TTBK2: variants seen among roughly 807,000 people sequenced by gnomAD.
The protein encoded by TTBK2 is tau tubulin kinase 2, also known as tau-tubulin kinase 2.
A neutral mutation model predicts 110.8 loss-of-function variants in TTBK2; 28 were observed. The ratio of observed to expected loss-of-function variants is 0.25; its 90% confidence interval spans 0.19 to 0.35. TTBK2 has a LOEUF of 0.35. Among genes scored for constraint, TTBK2 ranks in the 10% least tolerant of loss-of-function variants. The pLI is 1.00. For synonymous variants in TTBK2, 532 were observed against 527.3 expected, an observed-to-expected ratio of 1.01 and a Z score of -0.12; for missense variants, 1,369 against 1,500.3, an observed-to-expected ratio of 0.91 and a Z score of 1.45.
intron 4 of TTBK2, among the ~76,000 whole-genome samples, chr15:42,830,462 A>G (rs1892709705): frequency 2.0e-5 from 3 of 151,952 alleles, no homozygotes; most frequent in South Asian, 4.2e-4. Context: ...TGCTGGGATT[A>G]CAGGCATGAA....
intron 6 of TTBK2, among the ~76,000 whole-genome samples, chr15:42,817,884 C>T (rs995220924): frequency 1.3e-5 from 2 of 152,182 alleles, no homozygotes; most frequent in Admixed American, 1.3e-4. Context: ...CTCTTCTACT[C>T]CATTTTAAGG....
At chr15:42,885,540 T>C (rs547692591) in intron 1 of TTBK2, among the ~76,000 whole-genome samples, 149 of 152,330 alleles carry the variant, frequency 9.8e-4, no homozygotes, top group African/African-American at 3.3e-3. Context: ...TGTTTAATCA[T>C]TGCAGGGACG....
rs946612468 is a variant in TTBK2, at chr15:42,854,138, A to G, written c.218-13705T>C. Among the ~76,000 whole-genome samples, 3 of 152,032 alleles carry G rather than the reference A, an allele frequency of 2.0e-5. No homozygotes were observed. The South Asian group carries it at 6.2e-4, about 32-fold the overall frequency. On this transcript the variant is annotated intron_variant, in intron 3 of 14. Transcript: ENST00000267890. Reference sequence around the variant, plus strand: ...TTTTGTAGAGACAGGGTCTCTCGCTATGCTGCCCAGGCCGATCTCATACTC... The same window carrying G: ...TTTTGTAGAGACAGGGTCTCTCGCTGTGCTGCCCAGGCCGATCTCATACTC...
chr15:42,908,477 A>G (rs1489422775), intron 1 of TTBK2, among the ~76,000 whole-genome samples: 2 of 152,196 alleles, frequency 1.3e-5, no homozygotes, highest in African/African-American at 4.8e-5. Context: ...TCTCAAAACA[A>G]AAAGTATAGA....
chr15:42,757,874 T>C (rs986768811), intron 13 of TTBK2, among the ~76,000 whole-genome samples: 1 of 152,222 alleles, frequency 6.6e-6, no homozygotes, highest in Non-Finnish European at 1.5e-5. Flanking sequence ...AGGATCTCAA[T>C]ATTTTCCATT....
At chr15:42,841,856 G>C (rs1485117977) in intron 3 of TTBK2, among the ~76,000 whole-genome samples, 1 of 152,104 alleles carries the variant, frequency 6.6e-6, no homozygotes, top group Non-Finnish European at 1.5e-5. Context: ...GATTTTAAGG[G>C]ATACTAAAAT....
At chr15:42,821,972 G>A (rs560913569) in intron 6 of TTBK2, among the ~76,000 whole-genome samples, 1 of 151,914 alleles carries the variant, frequency 6.6e-6, no homozygotes, top group South Asian at 2.1e-4. Flanking sequence ...TTACAGGTGT[G>A]AGCCACCATG....
chr15:42,824,074 C>T (rs1030672136), intron 6 of TTBK2, among the ~76,000 whole-genome samples: 6 of 152,114 alleles, frequency 3.9e-5, no homozygotes, highest in Admixed American at 3.9e-4. Flanking sequence ...CTCTTTTTAA[C>T]AATCAGCTCT....
At chr15:42,816,544 A>C (rs1892035479) in intron 7 of TTBK2, among the ~76,000 whole-genome samples, 1 of 152,192 alleles carries the variant, frequency 6.6e-6, no homozygotes, top group South Asian at 2.1e-4. Flanking sequence ...AGTATTACCA[A>C]TTCCATTATC....
chr15:42,755,013 A>AC (rs2061928007), intron 13 of TTBK2, among the ~76,000 whole-genome samples: 2 of 145,464 alleles, frequency 1.4e-5, no homozygotes, highest in Admixed American at 1.4e-4. Flanking sequence ...CATCTCAGGA[A>AC]AAAAAAAAAA....
Position 42,770,240 on chromosome 15 carries a change from T to TATA in TTBK2, c.1998+4892_1998+4894dup, listed in dbSNP as rs200699099. 3.7e-3 allele frequency among the ~76,000 whole-genome samples: 562 copies of TATA among 151,686 alleles called. 17 individuals are homozygous for TATA. The East Asian group carries it at 0.085, about 23-fold the overall frequency. ...TGCACACGTATCCTAGAACTTAAAGTATAATAATAATAATAATAAAGACAA... is the reference window on the plus strand; with the variant it reads ...TGCACACGTATCCTAGAACTTAAAGTATAATAATAATAATAATAATAAAGACAA... On this transcript the variant is annotated intron_variant, in intron 13 of 14. Transcript: ENST00000267890.
intron 1 of TTBK2, among the ~76,000 whole-genome samples, chr15:42,920,042 T>C (rs1300305485): frequency 1.3e-5 from 2 of 152,014 alleles, no homozygotes; most frequent in East Asian, 1.9e-4. Flanking sequence ...TCCATGATAG[T>C]TGGGGAGGCG....
At chr15:42,870,081 G>A (rs1310450366) in intron 3 of TTBK2, among the ~76,000 whole-genome samples, 1 of 152,056 alleles carries the variant, frequency 6.6e-6, no homozygotes. Context: ...GGCTGAGGCA[G>A]GAGAATCACT....
intron 1 of TTBK2, among the ~76,000 whole-genome samples, chr15:42,900,779 G>T (rs1297512122): frequency 6.6e-6 from 1 of 152,100 alleles, no homozygotes; most frequent in Non-Finnish European, 1.5e-5. Flanking sequence ...CTGGTGGATG[G>T]GGGAATTCCT....
chr15:42,815,494 T>C (rs773682153), intron 7 of TTBK2, among the ~76,000 whole-genome samples: 56 of 152,014 alleles, frequency 3.7e-4, no homozygotes, highest in Non-Finnish European at 5.9e-4. Flanking sequence ...CCCAACTCCA[T>C]GCAAAAAAGT....
intron 3 of TTBK2, among the ~76,000 whole-genome samples, chr15:42,846,554 A>G (rs1233212521): frequency 6.6e-6 from 1 of 152,214 alleles, no homozygotes; most frequent in Non-Finnish European, 1.5e-5. Flanking sequence ...GAACCCACTG[A>G]CAGGAACAAC....
rs199820364 is a variant in TTBK2 at position 42,746,163 on chromosome 15, G to T, written c.3367C>A (p.Arg1123=). 17 of 1,614,134 alleles carry T rather than the reference G, an allele frequency of 1.1e-5. No homozygotes were observed. In the East Asian group the frequency reaches 3.8e-4, roughly 36 times the overall value. The change falls in exon 15 of 15, where the codon CGG becomes AGG. Residue 1123 remains arginine, a synonymous_variant. Coordinates refer to ENST00000267890, the MANE Select transcript of TTBK2 (RefSeq NM_173500.4). ...QILQNGSQKP[R]STTQCKSPGS... ...GGACTCTTGCACTGAGTAGTGCTCC[G>T]GGGTTTCTGAGATCCATTTTGAAGA...
chr15:42,877,193 A>G (rs1567073568), intron 2 of TTBK2, among the ~76,000 whole-genome samples: 1 of 152,202 alleles, frequency 6.6e-6, no homozygotes, highest in East Asian at 1.9e-4. Context: ...CCTAACTAAC[A>G]GACCTAGGTA....
chr15:42,852,812 A>G (rs1893773852), intron 3 of TTBK2, among the ~76,000 whole-genome samples: 1 of 152,260 alleles, frequency 6.6e-6, no homozygotes, highest in Non-Finnish European at 1.5e-5. Flanking sequence ...ATGAACATCA[A>G]CAAGGACAAG....
Sources: allele counts gnomAD v4.1 joint callset (sites outside exome capture counted in the v4.1 genomes callset), GRCh38; gene constraint gnomAD v4.1.1; transcripts MANE v1.5; gene names NCBI Gene and HGNC (gene_info 2026-07-23, HGNC 2026-07-21).